The following RSRC1 variants were observed in gnomAD, a reference collection of about 807,000 sequenced individuals.
The protein encoded by RSRC1 is arginine and serine rich coiled-coil 1, also known as serine/Arginine-related protein 53.
RSRC1 carries 39 observed loss-of-function variants against 49.1 expected under a neutral mutation model. That is an observed-to-expected ratio of 0.79 (90% CI 0.61 to 1.04). The LOEUF is 1.04. RSRC1 is among the 50% of genes least tolerant of loss of function. The pLI, the probability that RSRC1 is intolerant of heterozygous loss-of-function variation, is 0.00. For synonymous variants in RSRC1, 143 were observed against 130.8 expected, an observed-to-expected ratio of 1.09 and a Z score of -0.63; for missense variants, 388 against 402.4, an observed-to-expected ratio of 0.96 and a Z score of 0.31.
intron 5 of RSRC1, among the ~76,000 whole-genome samples, chr3:158,322,052 A>G (rs1728794670): frequency 1.3e-5 from 2 of 151,904 alleles, no homozygotes; most frequent in Non-Finnish European, 2.9e-5. Flanking sequence ...AGTGCTCTTC[A>G]TGCCTTCCTG....
chr3:158,508,340 T>C (rs1325601162), intron 7 of RSRC1, among the ~76,000 whole-genome samples: 1 of 152,040 alleles, frequency 6.6e-6, no homozygotes, highest in Non-Finnish European at 1.5e-5. Context: ...TCCTGTTGTT[T>C]CATCCCTTTT....
At chr3:158,485,341 A>G (rs1386537614) in intron 7 of RSRC1, among the ~76,000 whole-genome samples, 1 of 152,092 alleles carries the variant, frequency 6.6e-6, no homozygotes, top group Non-Finnish European at 1.5e-5. Flanking sequence ...CTTGGAAACC[A>G]TGGTGCTAAA....
chr3:158,316,392 C>T (rs1258590816), intron 5 of RSRC1, among the ~76,000 whole-genome samples: 1 of 149,330 alleles, frequency 6.7e-6, no homozygotes, highest in African/African-American at 2.5e-5. Context: ...TGATATGCCT[C>T]ATTTTTCCAC....
At chr3:158,379,325 T>C (rs1159744577) in intron 6 of RSRC1, among the ~76,000 whole-genome samples, 1 of 150,492 alleles carries the variant, frequency 6.6e-6, no homozygotes, top group Non-Finnish European at 1.5e-5. Flanking sequence ...CTCAGCCTCC[T>C]GAGTAGCTGG....
intron 7 of RSRC1, among the ~76,000 whole-genome samples, chr3:158,515,276 T>C (rs1013326808): frequency 6.6e-6 from 1 of 151,648 alleles, no homozygotes; most frequent in African/African-American, 2.4e-5. Context: ...CTTCAGGAGC[T>C]CTTTTAGGGC....
intron 6 of RSRC1, among the ~76,000 whole-genome samples, chr3:158,405,548 T>C (rs1560028093): frequency 1.3e-5 from 2 of 152,156 alleles, no homozygotes; most frequent in South Asian, 4.1e-4. Flanking sequence ...GATTTTTCTT[T>C]CTTTTAAAGA....
intron 6 of RSRC1, among the ~76,000 whole-genome samples, chr3:158,399,441 C>A (rs1733789449): frequency 2.8e-5 from 1 of 35,774 alleles, no homozygotes; most frequent in African/African-American, 1.6e-4. Context: ...CAGGCGTGAG[C>A]CACCGCGCCC....
At chr3:158,273,204 T>C (rs1295872664) in intron 4 of RSRC1, among the ~76,000 whole-genome samples, 1 of 152,088 alleles carries the variant, frequency 6.6e-6, no homozygotes, top group African/African-American at 2.4e-5. Flanking sequence ...TTCGTTTTAT[T>C]AGTTCAGATA....
At position 158,421,100 on chromosome 3, in the gene RSRC1, G is replaced by T. The variant is rs60050963; in HGVS notation, c.584-39835G>T. Among the ~76,000 whole-genome samples the T allele has an allele frequency of 3.2e-3, 481 of 151,952 alleles. 7 individuals carry two copies. In the East Asian group the frequency reaches 0.063, roughly 20 times the overall value. ...GTTTTCCCAAGATGTTAGACTTTCA[G>T]TGTTGAAATCAGGGAAGTCCCAGGC... On this transcript the variant is annotated intron_variant, in intron 6 of 9. Coordinates refer to ENST00000611884, the MANE Select transcript of RSRC1 (RefSeq NM_001271838.2).
At chr3:158,503,216 G>A (rs1232222838) in intron 7 of RSRC1, among the ~76,000 whole-genome samples, 6 of 152,178 alleles carry the variant, frequency 3.9e-5, no homozygotes, top group Non-Finnish European at 8.8e-5. Flanking sequence ...GGGGCTGTCT[G>A]CACAGAGTCC....
At chr3:158,157,972 ATTTT>A (rs1000314399) in intron 3 of RSRC1, among the ~76,000 whole-genome samples, 2 of 151,694 alleles carry the variant, frequency 1.3e-5, no homozygotes, top group African/African-American at 4.8e-5. Flanking sequence ...GGTTTTACTG[ATTTT>A]TTTTAACTGT....
chr3:158,402,691 A>G (rs1474433747), intron 6 of RSRC1, among the ~76,000 whole-genome samples: 1 of 151,746 alleles, frequency 6.6e-6, no homozygotes, highest in Non-Finnish European at 1.5e-5. Context: ...AATATAAGCT[A>G]TTTTGTAACA....
chr3:158,175,418 C>G (rs180881799), intron 3 of RSRC1, among the ~76,000 whole-genome samples: 1 of 152,006 alleles, frequency 6.6e-6, no homozygotes, highest in African/African-American at 2.4e-5. Context: ...CTCTTAGAAA[C>G]TCTATCATTG....
chr3:158,185,345 C>T (rs1303795178), intron 3 of RSRC1, among the ~76,000 whole-genome samples: 2 of 151,764 alleles, frequency 1.3e-5, no homozygotes, highest in East Asian at 1.9e-4. Context: ...CAGAGATGGG[C>T]GATGCAGGAA....
chr3:158,494,743 A>G (rs1226632169), intron 7 of RSRC1, among the ~76,000 whole-genome samples: 1 of 152,180 alleles, frequency 6.6e-6, no homozygotes, highest in African/African-American at 2.4e-5. Context: ...CTAGGACTCA[A>G]ACACATACGT....
intron 6 of RSRC1, among the ~76,000 whole-genome samples, chr3:158,431,434 TAA>T (rs1159442324): frequency 6.6e-6 from 1 of 151,848 alleles, no homozygotes; most frequent in Non-Finnish European, 1.5e-5. Context: ...AAAATGAAAA[TAA>T]GTTATTTAGA....
intron 3 of RSRC1, among the ~76,000 whole-genome samples, chr3:158,164,438 A>G (rs1718421809): frequency 6.6e-6 from 1 of 152,070 alleles, no homozygotes; most frequent in Non-Finnish European, 1.5e-5. Context: ...CTTCCAAACT[A>G]TGTATACACT....
At chr3:158,175,378 T>A (rs1342262281) in intron 3 of RSRC1, among the ~76,000 whole-genome samples, 1 of 152,138 alleles carries the variant, frequency 6.6e-6, no homozygotes. Context: ...TAAAATCAAT[T>A]GCAGTCTCTT....
At chr3:158,334,692 T>TGTGTGTGTGTG (rs1729782776) in intron 5 of RSRC1, among the ~76,000 whole-genome samples, 1 of 142,626 alleles carries the variant, frequency 7.0e-6, no homozygotes, top group South Asian at 2.2e-4. Flanking sequence ...TGTGTATGTG[T>TGTGTGTGTGTG]TGTGTTTTAG....
Sources: allele counts gnomAD v4.1 joint callset (sites outside exome capture counted in the v4.1 genomes callset), GRCh38; gene constraint gnomAD v4.1.1; transcripts MANE v1.5; gene names NCBI Gene and HGNC (gene_info 2026-07-23, HGNC 2026-07-21).